The following BANP variants were observed in gnomAD, a reference collection of about 807,000 sequenced individuals.
BANP encodes BTG3 associated nuclear protein, also known as protein BANP.
Under a neutral mutation model 68.1 loss-of-function variants are expected in BANP, and 11 were observed. The ratio of observed to expected loss-of-function variants is 0.16; its 90% CI spans 0.10 to 0.27. The LOEUF is 0.27. BANP is among the 10% of genes least tolerant of loss of function. The probability of loss-of-function intolerance (pLI) is 1.00; values close to 1 mark genes in which losing one functional copy is unlikely to be tolerated. For synonymous variants in BANP, 329 were observed against 303.2 expected (o/e 1.09, Z -0.88); for missense variants, 504 against 722.7 (o/e 0.70, Z 3.47).
At chr16:88,043,639 T>A (rs1282722420) in intron 11 of BANP, among the ~76,000 whole-genome samples, 6 of 152,156 alleles carry the variant, frequency 3.9e-5, no homozygotes, top group Non-Finnish European at 7.3e-5. Context: ...TTGGTTTGAG[T>A]AGAGGACAGG....
At chr16:87,958,102 C>T (rs773865795) in intron 1 of BANP, among the ~76,000 whole-genome samples, 6 of 152,156 alleles carry the variant, frequency 3.9e-5, no homozygotes, top group Non-Finnish European at 5.9e-5. Flanking sequence ...CAATAATTGG[C>T]CTGTTGTCTT....
intron 13 of BANP, among the ~76,000 whole-genome samples, chr16:88,075,289 T>G (rs957499667): frequency 1.3e-5 from 2 of 152,164 alleles, no homozygotes; most frequent in East Asian, 3.9e-4. Flanking sequence ...GAGGTTGCAA[T>G]GAGTCGAGAT....
chr16:87,959,601 C>T (rs1052928547), intron 1 of BANP, among the ~76,000 whole-genome samples: 1 of 152,198 alleles, frequency 6.6e-6, no homozygotes, highest in Non-Finnish European at 1.5e-5. Flanking sequence ...AAGGGCTTAG[C>T]GGCCATGGTC....
chr16:88,075,307 C>G (rs1195677753), intron 13 of BANP, among the ~76,000 whole-genome samples: 1 of 152,194 alleles, frequency 6.6e-6, no homozygotes, highest in East Asian at 1.9e-4. Flanking sequence ...GATTGCGCCA[C>G]TGTGCTCCAG....
At position 87,972,628 on chromosome 16, in the gene BANP, G is replaced by A. The variant is rs1055684788; in HGVS notation, c.-68-2420G>A. 7.2e-5 allele frequency among the ~76,000 whole-genome samples: 11 copies of A among 152,038 alleles called. No homozygotes were observed. The East Asian group carries it at 1.7e-3, about 24-fold the overall frequency. ...CAGAAGGGAGGCTTGGTTTAGAATC[G>A]TTTCTCTAATTTCAGTGTTTTGGGT... On this transcript the variant is annotated intron_variant, in intron 1 of 13. Transcript: ENST00000682872.
chr16:88,057,893 G>C lies in BANP; in HGVS notation c.1312-7374G>C, dbSNP rs2085547465. 6.6e-6 allele frequency among the ~76,000 whole-genome samples: 1 copy of C among 152,300 alleles called. No individual in the cohort carries two copies. The highest frequency in any genetic ancestry group is 2.4e-5 in the African/African-American group (1 of 41,556). On this transcript the variant is annotated intron_variant, in intron 11 of 13. Transcript: ENST00000682872. The surrounding 1 kb of genome is among the most constrained non-coding windows in gnomAD (Gnocchi z 4.6). ...GCACTTTCCGGACAGTGCGGTGCGGGGCAGCGAGTGGCCGCCTGTGTTCCG... is the reference window on the plus strand; with the variant it reads ...GCACTTTCCGGACAGTGCGGTGCGGCGCAGCGAGTGGCCGCCTGTGTTCCG...
At chr16:88,055,166 G>T (rs77650715) in intron 11 of BANP, among the ~76,000 whole-genome samples, 2,296 of 150,328 alleles carry the variant, frequency 0.015, 87 homozygotes, top group East Asian at 0.1. Flanking sequence ...CCTAAGATGT[G>T]CACGAACAAA....
chr16:87,991,177 G>A (rs1253753938), intron 4 of BANP, among the ~76,000 whole-genome samples: 5 of 152,086 alleles, frequency 3.3e-5, no homozygotes, highest in East Asian at 1.9e-4. Flanking sequence ...TCACATAATC[G>A]TATGATACAG....
rs751856738 is a variant in BANP at position 87,958,954 on chromosome 16, A to T, written c.-69+7439A>T. ...CAGACATAGAGAATTCTCATGGGGG[A>T]GGGAGGACCTTGCGGCGCCTTGGCA... is the stretch of plus-strand genomic sequence containing the variant. On this transcript the variant is annotated intron_variant, in intron 1 of 13. Transcript: ENST00000682872. Among the ~76,000 whole-genome samples, 248 of 152,246 alleles carry T rather than the reference A, an allele frequency of 1.6e-3. 1 individual carries two copies. The highest frequency in any genetic ancestry group is 3.4e-3 in the Middle Eastern group (1 of 294).
chr16:87,966,439 C>A (rs1340496314), intron 1 of BANP, among the ~76,000 whole-genome samples: 1 of 152,222 alleles, frequency 6.6e-6, no homozygotes, highest in Non-Finnish European at 1.5e-5. Context: ...GCCAAAATAG[C>A]AACCACAGGC....
At chr16:87,985,027 G>A (rs895219609) in intron 4 of BANP, among the ~76,000 whole-genome samples, 8 of 152,196 alleles carry the variant, frequency 5.3e-5, no homozygotes, top group African/African-American at 1.4e-4. Flanking sequence ...ATGGTGGGAC[G>A]GCAGCGGGGG....
chr16:88,006,276 G>A lies in BANP; in HGVS notation c.655+11G>A, dbSNP rs367640047. ...CCCTGAACTCGGAAGGTGCGTCCAG[G>A]GCGGCTTTCCTCGGCCAGAGCGCCA... is the stretch of plus-strand genomic sequence containing the variant. On this transcript the variant is annotated intron_variant, in intron 6 of 13. Coordinates refer to ENST00000682872, the MANE Select transcript of BANP (RefSeq NM_001386991.1). 199 of 1,579,334 alleles carry A rather than the reference G, an allele frequency of 1.3e-4. No homozygotes were observed. Among genetic ancestry groups the A allele is most frequent in the Non-Finnish European group, 1.7e-4 (193 of 1,161,462 alleles).
intron 4 of BANP, among the ~76,000 whole-genome samples, chr16:87,993,324 C>T (rs901191686): frequency 2.6e-5 from 4 of 152,234 alleles, no homozygotes; most frequent in Non-Finnish European, 5.9e-5. Context: ...TGTGCCGCCT[C>T]CTCGAGGGTG....
intron 11 of BANP, among the ~76,000 whole-genome samples, chr16:88,051,889 C>T (rs1196505148): frequency 6.6e-6 from 1 of 152,140 alleles, no homozygotes; most frequent in Admixed American, 6.5e-5. Context: ...TCTGTGGTAT[C>T]GTTTGCATTC....
chr16:88,062,150 A>G (rs2086994236), intron 11 of BANP, among the ~76,000 whole-genome samples: 1 of 152,190 alleles, frequency 6.6e-6, no homozygotes, highest in Admixed American at 6.5e-5. Flanking sequence ...GTTTCTGTCC[A>G]CACACTTCAG....
chr16:88,003,984 T>G lies in BANP; in HGVS notation c.363-311T>G. 1 of 350,912 alleles carries G rather than the reference T, an allele frequency of 2.8e-6. No homozygotes were observed. The highest frequency in any genetic ancestry group is 9.3e-4 in the Middle Eastern group (1 of 1,074). 21.7% of individuals were successfully genotyped at this position (350,912 alleles called of 1,614,324 possible). A position where few individuals can be genotyped will look rare whatever the true frequency, so the allele number is the denominator to read the frequency against. ...GATAACAGCTGGTGCGGTTGCAGTC[T>G]ATTCTGTCACAAGTTCAGCATCCTC... is the stretch of plus-strand genomic sequence containing the variant. On this transcript the variant is annotated intron_variant, in intron 4 of 13. Coordinates refer to ENST00000682872, the MANE Select transcript of BANP (RefSeq NM_001386991.1). The surrounding 1 kb of genome is among the most constrained non-coding windows in gnomAD (Gnocchi z 6.1).
intron 11 of BANP, among the ~76,000 whole-genome samples, chr16:88,053,436 T>C (rs112934932): frequency 5.1e-5 from 6 of 117,716 alleles, no homozygotes; most frequent in African/African-American, 7.2e-5. Flanking sequence ...CCACCACCTC[T>C]ACCACTGTCA....
chr16:88,075,806 G>A (rs2091487718), intron 13 of BANP, among the ~76,000 whole-genome samples: 1 of 149,056 alleles, frequency 6.7e-6, no homozygotes, highest in African/African-American at 2.5e-5. Flanking sequence ...GAGTGCATTG[G>A]TGCAATCTCG....
intron 1 of BANP, among the ~76,000 whole-genome samples, chr16:87,964,338 T>C (rs1331731104): frequency 6.6e-6 from 1 of 152,240 alleles, no homozygotes; most frequent in Non-Finnish European, 1.5e-5. Context: ...GCTCACCTTC[T>C]AGCAGGAGAC....
Sources: gnomAD v4.1 joint callset for allele counts (sites outside exome capture counted in the v4.1 genomes callset) on GRCh38, gnomAD v4.1.1 for gene constraint, Gnocchi (gnomAD v3.1) non-coding constraint, MANE v1.5 for transcripts, NCBI Gene and HGNC (gene_info 2026-07-23, HGNC 2026-07-21) for gene names.